IPCEF1: variants seen among roughly 807,000 people sequenced by gnomAD.
IPCEF1 encodes interactor protein for cytohesin exchange factors 1.
A neutral mutation model predicts 50.9 loss-of-function variants in IPCEF1; 31 were observed. That is an observed-to-expected ratio of 0.61 (90% CI 0.46 to 0.82). The LOEUF is 0.82. Among genes scored for constraint, IPCEF1 ranks in the 40% least tolerant of loss-of-function variants. The probability of loss-of-function intolerance (pLI) is 0.00; values close to 1 mark genes in which losing one functional copy is unlikely to be tolerated. For synonymous variants in IPCEF1, 181 were observed against 192.0 expected, an observed-to-expected ratio of 0.94 and a Z score of 0.47; for missense variants, 458 against 514.0, an observed-to-expected ratio of 0.89 and a Z score of 1.05.
At chr6:154,218,681 T>C (rs1016392165) in intron 7 of IPCEF1, among the ~76,000 whole-genome samples, 5 of 152,244 alleles carry the variant, frequency 3.3e-5, no homozygotes, top group Non-Finnish European at 5.9e-5. Flanking sequence ...AGTTGCATTG[T>C]TGGCTACTAG....
intron 1 of IPCEF1, among the ~76,000 whole-genome samples, chr6:154,319,420 TA>T (rs1783315147): frequency 6.6e-6 from 1 of 152,244 alleles, no homozygotes; most frequent in Non-Finnish European, 1.5e-5. Flanking sequence ...TTTCTCATTA[TA>T]ACATGGCAGA....
At chr6:154,253,483 A>G (rs1336904230) in intron 3 of IPCEF1, among the ~76,000 whole-genome samples, 1 of 152,242 alleles carries the variant, frequency 6.6e-6, no homozygotes, top group African/African-American at 2.4e-5. Context: ...AATGCTGCAT[A>G]GTACTGCAGT....
At chr6:154,173,640 C>T (rs565476911) in intron 10 of IPCEF1, among the ~76,000 whole-genome samples, 11 of 152,064 alleles carry the variant, frequency 7.2e-5, no homozygotes, top group Admixed American at 2.6e-4. Context: ...TGAAAAGAAA[C>T]GAACAAAGCC....
chr6:154,305,003 A>G (rs1365006496), intron 1 of IPCEF1, among the ~76,000 whole-genome samples: 1 of 151,964 alleles, frequency 6.6e-6, no homozygotes, highest in Non-Finnish European at 1.5e-5. Flanking sequence ...AATCCCAGCT[A>G]CTCGGGAGGC....
intron 5 of IPCEF1, among the ~76,000 whole-genome samples, chr6:154,223,829 C>T (rs1779049893): frequency 6.6e-6 from 1 of 152,230 alleles, no homozygotes; most frequent in Admixed American, 6.5e-5. Flanking sequence ...GGGATTAAAT[C>T]ACAGAGCTGC....
intron 5 of IPCEF1, among the ~76,000 whole-genome samples, chr6:154,236,448 G>A (rs1780141213): frequency 6.6e-6 from 1 of 152,138 alleles, no homozygotes; most frequent in African/African-American, 2.4e-5. Context: ...TTTGCAAGAC[G>A]AAAAGAGTTC....
chr6:154,245,543 G>A (rs922501566), intron 5 of IPCEF1, among the ~76,000 whole-genome samples: 1 of 152,186 alleles, frequency 6.6e-6, no homozygotes, highest in Non-Finnish European at 1.5e-5. Context: ...CAAACAATAT[G>A]CAGTACTTAT....
At chr6:154,199,543 C>T (rs1464131870) in intron 10 of IPCEF1, 125 bp downstream of exon 10, 2 of 1,142,558 alleles carry the variant, frequency 1.8e-6, no homozygotes, top group African/African-American at 1.6e-5. Context: ...GGGCATAGCC[C>T]CACTTGACTA....
intron 1 of IPCEF1, among the ~76,000 whole-genome samples, chr6:154,298,304 A>C (rs1782712672): frequency 6.6e-6 from 1 of 152,212 alleles, no homozygotes; most frequent in Non-Finnish European, 1.5e-5. Flanking sequence ...CACGTCACAA[A>C]ATATCTTGTA....
intron 6 of IPCEF1, among the ~76,000 whole-genome samples, chr6:154,222,589 T>G (rs1169313495): frequency 6.6e-6 from 1 of 152,124 alleles, no homozygotes; most frequent in Non-Finnish European, 1.5e-5. Flanking sequence ...GCTCATGAGA[T>G]CTAAGCAGGT....
chr6:154,300,010 G>A lies in IPCEF1; in HGVS notation c.-61-10254C>T, dbSNP rs921368696. Among the ~76,000 whole-genome samples, 2 of 140,372 alleles carry A rather than the reference G, an allele frequency of 1.4e-5. 1 individual carries two copies. Among genetic ancestry groups the A allele is most frequent in the Non-Finnish European group, 3.2e-5 (2 of 62,720 alleles). 92.1% of individuals were successfully genotyped at this position (140,372 alleles called of 152,430 possible). On this transcript the variant is annotated intron_variant, in intron 1 of 11. Coordinates refer to ENST00000367220, the MANE Select transcript of IPCEF1 (RefSeq NM_001130700.2). ...CATATTACTTTAAAAATGAAACCCC[G>A]AAGTGAATGAAGACTTCACCTCACC...
At chr6:154,174,508 C>T (rs1375349089) in intron 10 of IPCEF1, among the ~76,000 whole-genome samples, 1 of 151,934 alleles carries the variant, frequency 6.6e-6, no homozygotes, top group African/African-American at 2.4e-5. Flanking sequence ...AAAAAAAAAG[C>T]AGGGGTTGCA....
intron 1 of IPCEF1, among the ~76,000 whole-genome samples, chr6:154,334,110 G>A (rs1206272265): frequency 2.6e-5 from 4 of 152,154 alleles, no homozygotes; most frequent in Non-Finnish European, 4.4e-5. Context: ...CCACAGTTAT[G>A]GGGTAGATGG....
intron 1 of IPCEF1, among the ~76,000 whole-genome samples, chr6:154,336,630 G>T (rs906128265): frequency 4.6e-5 from 7 of 152,020 alleles, no homozygotes; most frequent in East Asian, 1.9e-4. Flanking sequence ...TGAGACCAAG[G>T]TCTCACTCTG....
At chr6:154,281,481 C>T (rs992626387) in intron 2 of IPCEF1, among the ~76,000 whole-genome samples, 4 of 152,128 alleles carry the variant, frequency 2.6e-5, no homozygotes, top group Non-Finnish European at 4.4e-5. Context: ...AGCCATACTG[C>T]ACTCTAGCCT....
intron 2 of IPCEF1, among the ~76,000 whole-genome samples, chr6:154,270,455 T>C (rs1781872869): frequency 1.3e-5 from 2 of 152,310 alleles, no homozygotes; most frequent in African/African-American, 2.4e-5. Context: ...TGTTCATTCA[T>C]GTGTATGTTG....
At chr6:154,249,747 C>A (rs1330476039) in intron 3 of IPCEF1, among the ~76,000 whole-genome samples, 1 of 151,952 alleles carries the variant, frequency 6.6e-6, no homozygotes, top group Admixed American at 6.6e-5. Context: ...GGGACTGGAG[C>A]CCTCCGGCTC....
chr6:154,212,952 T>C (rs143644214), intron 8 of IPCEF1, 97 bp from the exon 9 acceptor site: 1 of 813,428 alleles, frequency 1.2e-6, no homozygotes, highest in Admixed American at 2.1e-5. Flanking sequence ...TATTGCAATT[T>C]CAATCCAATT....
At chr6:154,169,310 G>A (rs1799686170) in intron 10 of IPCEF1, among the ~76,000 whole-genome samples, 1 of 152,106 alleles carries the variant, frequency 6.6e-6, no homozygotes, top group Admixed American at 6.5e-5. Flanking sequence ...GCAGTGAGCT[G>A]AGATCACACC....
Sources: allele counts gnomAD v4.1 joint callset (sites outside exome capture counted in the v4.1 genomes callset), GRCh38; gene constraint gnomAD v4.1.1; transcripts MANE v1.5; gene names NCBI Gene and HGNC (gene_info 2026-07-23, HGNC 2026-07-21).